SH3BP2: variants seen among roughly 807,000 people sequenced by gnomAD.
SH3BP2 encodes the protein SH3 domain binding protein 2.
SH3BP2 carries 38 observed loss-of-function variants against 56.2 expected under a neutral mutation model. The observed-to-expected ratio is 0.68, with a 90% CI of 0.52 to 0.89. The LOEUF (loss-of-function observed/expected upper bound fraction) is 0.89. Ranked by LOEUF, SH3BP2 falls within the 40% of genes least tolerant of loss-of-function variation. SH3BP2 has a pLI of 0.00. For missense variants in SH3BP2, 748 were observed against 762.6 expected (o/e 0.98, Z 0.23); for synonymous variants, 346 against 316.7 (o/e 1.09, Z -0.98).
chr4:2,796,655 C>G (rs1723072326), intron 1 of SH3BP2: 1 of 156,296 alleles, frequency 6.4e-6, no homozygotes, highest in South Asian at 2.0e-4. Context: ...GAGCTGATTC[C>G]AAGAAGTGCC....
At chr4:2,800,358 C>T (rs1560094697) in intron 1 of SH3BP2, among the ~76,000 whole-genome samples, 1 of 152,162 alleles carries the variant, frequency 6.6e-6, no homozygotes, top group African/African-American at 2.4e-5. Context: ...CCCAGAGTGT[C>T]CACCGGGCTG....
intron 5 of SH3BP2, 181 bp from the exon 6 acceptor site, chr4:2,827,049 G>A (rs772048562): frequency 5.2e-5 from 36 of 692,034 alleles, no homozygotes; most frequent in East Asian, 2.5e-4. Flanking sequence ...CAGCGTATCC[G>A]TGTGTGCATG....
intron 1 of SH3BP2, among the ~76,000 whole-genome samples, chr4:2,816,602 T>C (rs1472893935): frequency 6.6e-6 from 1 of 152,364 alleles, no homozygotes. Flanking sequence ...CTTTATCAGA[T>C]TGAGGAACTT....
intron 1 of SH3BP2, among the ~76,000 whole-genome samples, chr4:2,807,975 C>T (rs908930992): frequency 4.6e-5 from 7 of 152,190 alleles, no homozygotes; most frequent in African/African-American, 1.7e-4. Context: ...CAGGCACGCC[C>T]ACACTCGGGA....
At chr4:2,796,309 G>T in intron 1 of SH3BP2, 2 of 615,446 alleles carry the variant, frequency 3.2e-6, no homozygotes, top group Non-Finnish European at 4.1e-6. Context: ...ACAGGAGTTC[G>T]AGGTGGTGCA....
At position 2,835,554 on chromosome 4, in the gene SH3BP2, C is replaced by T. The variant is rs138912206; in HGVS notation, c.*1720C>T. ...AGTCAGAATTCTTTGCCCTGTCTGA[C>T]CTGAACTTGCTTAGGGAGTCATGCC... On this transcript the variant is annotated 3_prime_UTR_variant, in exon 13 of 13. Coordinates refer to ENST00000503393, the MANE Select transcript of SH3BP2 (RefSeq NM_001122681.2). The T allele has an allele frequency of 6.6e-6, 1 of 152,360 alleles. No homozygotes were observed. Among genetic ancestry groups the T allele is most frequent in the Non-Finnish European group, 1.5e-5 (1 of 68,050 alleles). The allele number at this position is 152,360 out of a possible 1,614,324, so 9.4% of individuals were successfully genotyped here.
chr4:2,823,600 G>A (rs1302906868), intron 3 of SH3BP2: 1 of 450,320 alleles, frequency 2.2e-6, no homozygotes, highest in Non-Finnish European at 4.5e-6. Context: ...TGGCATGTGG[G>A]TGGGGGAGTG....
At chr4:2,827,033 G>A (rs868252593) in intron 5 of SH3BP2, 197 bp from the exon 6 acceptor site, 3 of 688,930 alleles carry the variant, frequency 4.4e-6, no homozygotes, top group Non-Finnish European at 5.3e-6. Context: ...GCATGTGTGT[G>A]TCTGTCAGCG....
At chr4:2,809,959 GC>G (rs918189228) in intron 1 of SH3BP2, 2 of 310,376 alleles carry the variant, frequency 6.4e-6, no homozygotes, top group Non-Finnish European at 4.7e-6. Flanking sequence ...CATTGAGGCG[GC>G]CCCGGCCATG....
intron 1 of SH3BP2, chr4:2,798,432 A>T (rs529427734): frequency 6.6e-6 from 1 of 152,304 alleles, no homozygotes; most frequent in African/African-American, 2.4e-5. Context: ...GGGAGCCCTG[A>T]GTGGCAGGTG....
intron 12 of SH3BP2, 98 bp from the exon 13 acceptor site, chr4:2,833,599 G>A (rs558368380): frequency 3.3e-5 from 50 of 1,501,406 alleles, no homozygotes; most frequent in Admixed American, 1.2e-4. Context: ...TGATGCCGCT[G>A]TTGATGCTGC....
In SH3BP2 at chr4:2,831,143, A is replaced by G. The variant is rs1401352128; in HGVS notation, c.1242-428A>G. Among the ~76,000 whole-genome samples, 2 of 152,216 alleles carry G rather than the reference A, an allele frequency of 1.3e-5. No homozygotes were observed. The highest frequency in any genetic ancestry group is 2.4e-5 in the African/African-American group (1 of 41,458). ...GCTGAGCAGGACCGGCTAGCCACAC[A>G]GGGAGGCGTGCAGGGACGCCATGGG... is the stretch of plus-strand genomic sequence containing the variant. On this transcript the variant is annotated intron_variant, in intron 8 of 12. Transcript: ENST00000503393. The surrounding 1 kb of genome is among the most constrained non-coding windows in gnomAD (Gnocchi z 4.1).
chr4:2,833,733 G>T lies in SH3BP2; in HGVS notation c.1585G>T (p.Val529Leu). The stretch of plus-strand genomic sequence containing the variant: ...CTACCTGGAGGGCGAGGTCCTGTTT[G>T]TGAGTGTGGGCAGCATGGTGGAGCA... ...KFYLEGEVLF[V>L]SVGSMVEHYH... The change falls in exon 13 of 13, where the codon GTG becomes TTG. Residue 529 changes from valine to leucine, a missense_variant. Physicochemically the swap from Val to Leu is conservative, Grantham distance 32. Coordinates refer to ENST00000503393, the MANE Select transcript of SH3BP2 (RefSeq NM_001122681.2). 3.7e-6 allele frequency: 6 copies of T among 1,609,684 alleles called. No homozygotes were observed. The highest frequency in any genetic ancestry group is 5.1e-6 in the Non-Finnish European group (6 of 1,178,146).
chr4:2,824,370 C>T (rs987848162), intron 3 of SH3BP2, among the ~76,000 whole-genome samples: 1 of 152,128 alleles, frequency 6.6e-6, no homozygotes, highest in Non-Finnish European at 1.5e-5. Context: ...GTCCTTGTCT[C>T]CTGTGCACTG....
intron 1 of SH3BP2, among the ~76,000 whole-genome samples, chr4:2,796,115 T>C (rs961871890): frequency 1.3e-5 from 2 of 152,170 alleles, no homozygotes; most frequent in African/African-American, 4.8e-5. Context: ...CTGAGCCTTG[T>C]AGGCGAATTG....
At chr4:2,795,596 G>A (rs373889365) in intron 1 of SH3BP2, among the ~76,000 whole-genome samples, 96 of 152,328 alleles carry the variant, frequency 6.3e-4, no homozygotes, top group African/African-American at 2.3e-3. Context: ...CAAGGTGAGA[G>A]CTGTCCTACC....
In SH3BP2 at chr4:2,831,590, CAG is replaced by C. The variant is rs1724988286; in HGVS notation, c.1264_1265del (p.Ser422PhefsTer7). ...CTCCAGGCGATCACCCCCCGATGGG[CAG>C]AGTTTCAGGAGCTTCTCCTTTGAAA... ...PHLQRSPPDG[Q>X]SFRSFSFEKP... On this transcript the variant is annotated frameshift_variant, in exon 9 of 13. Coordinates refer to ENST00000503393, the MANE Select transcript of SH3BP2 (RefSeq NM_001122681.2). LOFTEE classifies it high-confidence loss of function. The surrounding 1 kb of genome is among the most constrained non-coding windows in gnomAD (Gnocchi z 4.1). The C allele has an allele frequency of 6.3e-7, 1 of 1,595,270 alleles. No homozygotes were observed. The highest frequency in any genetic ancestry group is 8.5e-7 in the Non-Finnish European group (1 of 1,170,280).
intron 7 of SH3BP2, 118 bp downstream of exon 7, chr4:2,827,792 C>T: frequency 1.2e-6 from 1 of 812,594 alleles, no homozygotes; most frequent in Non-Finnish European, 2.1e-6. Context: ...TGGGTGGCTT[C>T]CGCTTCCCTG....
intron 1 of SH3BP2, among the ~76,000 whole-genome samples, chr4:2,799,987 A>G (rs1267640964): frequency 6.6e-6 from 1 of 151,962 alleles, no homozygotes; most frequent in Non-Finnish European, 1.5e-5. Context: ...ACTGCCGAAC[A>G]TACGCCCTCC....
Sources: allele counts gnomAD v4.1 joint callset (sites outside exome capture counted in the v4.1 genomes callset), GRCh38; gene constraint gnomAD v4.1.1; non-coding constraint Gnocchi (gnomAD v3.1); transcripts MANE v1.5; gene names NCBI Gene and HGNC (gene_info 2026-07-23, HGNC 2026-07-21).